The following GLIS3 variants were observed in gnomAD, a reference collection of about 807,000 sequenced individuals.
The protein encoded by GLIS3 is GLIS family zinc finger 3.
In GLIS3, 53 loss-of-function variants were observed where a neutral mutation model predicts 78.6. That is an observed-to-expected ratio of 0.67 (90% CI 0.54 to 0.85). GLIS3 has a LOEUF of 0.85. GLIS3 is among the 40% of genes least tolerant of loss of function. GLIS3 has a pLI of 0.00. For missense variants in GLIS3, 1,703 were observed against 1,231.1 expected (o/e 1.38, Z -5.74); for synonymous variants, 684 against 509.9 (o/e 1.34, Z -4.60).
At chr9:3,993,535 A>C (rs759565845) in intron 4 of GLIS3, among the ~76,000 whole-genome samples, 38 of 152,338 alleles carry the variant, frequency 2.5e-4, no homozygotes, top group South Asian at 8.3e-4. Context: ...TAAGTCCACT[A>C]TCTGAGGAAA....
the GLIS3 span, among the ~76,000 whole-genome samples, chr9:4,474,271 C>G: frequency 6.6e-6 from 1 of 152,088 alleles, no homozygotes; most frequent in Non-Finnish European, 1.5e-5. Flanking sequence ...ATAGAAAGTT[C>G]AAGGTGGGCA....
At chr9:3,970,567 G>A (rs558124095) in intron 4 of GLIS3, among the ~76,000 whole-genome samples, 3 of 152,166 alleles carry the variant, frequency 2.0e-5, no homozygotes, top group African/African-American at 7.2e-5. Flanking sequence ...ACAAGGCCCA[G>A]GATGCTGCTA....
chr9:4,117,741 G>A lies in GLIS3; in HGVS notation c.1710+27C>T, dbSNP rs756558303. ...AAAGCAAGCCGGGCCTTCAAGAGAG[G>A]TCACCCCTTGCGCTTCGGAAACTCA... On this transcript the variant is annotated intron_variant, in intron 4 of 10. Coordinates refer to ENST00000381971, the MANE Select transcript of GLIS3 (RefSeq NM_001042413.2). 9.3e-6 allele frequency: 15 copies of A among 1,613,968 alleles called. No individual in the cohort carries two copies. The South Asian group carries it at 1.5e-4, about 17-fold the overall frequency.
At chr9:4,214,250 G>C (rs1466558869) in intron 2 of GLIS3, among the ~76,000 whole-genome samples, 4 of 152,206 alleles carry the variant, frequency 2.6e-5, no homozygotes, top group African/African-American at 9.7e-5. Flanking sequence ...GCGCATTTTT[G>C]TGGAATGGAG....
chr9:4,206,493 T>C (rs73398475), intron 2 of GLIS3, among the ~76,000 whole-genome samples: 3,353 of 152,344 alleles, frequency 0.022, 130 homozygotes, highest in African/African-American at 0.077. Flanking sequence ...GGCGTAGCTT[T>C]ATGAACTGCT....
At chr9:4,328,828 C>A (rs568152987) in intron 2 of GLIS3, among the ~76,000 whole-genome samples, 1 of 152,248 alleles carries the variant, frequency 6.6e-6, no homozygotes, top group Non-Finnish European at 1.5e-5. Flanking sequence ...TAGATCAGTG[C>A]CCGGCACGTG....
chr9:4,126,031 C>G, intron 2 of GLIS3, 90 bp from the exon 3 acceptor site: 1 of 971,240 alleles, frequency 1.0e-6, no homozygotes, highest in Non-Finnish European at 1.6e-6. Flanking sequence ...CAGGACCCAT[C>G]TTTAGAGACA....
chr9:4,247,333 T>A (rs1414920197), intron 2 of GLIS3, among the ~76,000 whole-genome samples: 1 of 152,182 alleles, frequency 6.6e-6, no homozygotes, highest in African/African-American at 2.4e-5. Flanking sequence ...TAAAGGATAA[T>A]AATCTCATGG....
At chr9:3,885,828 G>A (rs1822038930) in intron 7 of GLIS3, among the ~76,000 whole-genome samples, 1 of 152,198 alleles carries the variant, frequency 6.6e-6, no homozygotes, top group Non-Finnish European at 1.5e-5. Context: ...CATTGTCAGT[G>A]TGGTTATTAA....
rs959140233 is a variant in GLIS3, at chr9:4,239,391, G to A, written c.388+46647C>T. ...GACTTTTTTTTTTTCTCTGCGATGAGGAAGATGAAGTTGTTAGACTACTGT... is the reference window on the plus strand; with the variant it reads ...GACTTTTTTTTTTTCTCTGCGATGAAGAAGATGAAGTTGTTAGACTACTGT... On this transcript the variant is annotated intron_variant, in intron 2 of 10. Transcript: ENST00000381971. Among the ~76,000 whole-genome samples the A allele has an allele frequency of 2.0e-4, 30 of 151,280 alleles. 2 individuals are homozygous for A. The highest frequency in any genetic ancestry group is 1.8e-3 in the Admixed American group (28 of 15,204).
At chr9:4,269,366 C>A (rs1826299766) in intron 2 of GLIS3, among the ~76,000 whole-genome samples, 3 of 152,178 alleles carry the variant, frequency 2.0e-5, no homozygotes, top group Non-Finnish European at 4.4e-5. Context: ...AAACCTATGT[C>A]CACTTTATTT....
chr9:4,392,474 C>T, the GLIS3 span, among the ~76,000 whole-genome samples: 1 of 152,104 alleles, frequency 6.6e-6, no homozygotes, highest in Admixed American at 6.5e-5. Context: ...CTAGGTAGAA[C>T]CTGCCTCCTC....
chr9:3,926,378 C>T (rs1291623282), intron 6 of GLIS3, among the ~76,000 whole-genome samples: 1 of 151,102 alleles, frequency 6.6e-6, no homozygotes, highest in Non-Finnish European at 1.5e-5. Context: ...CTAAAGGCGC[C>T]AGCCACCACG....
intron 4 of GLIS3, among the ~76,000 whole-genome samples, chr9:4,026,502 G>C (rs1179468773): frequency 1.3e-5 from 2 of 152,194 alleles, no homozygotes; most frequent in Non-Finnish European, 2.9e-5. Flanking sequence ...AAAAGCATTT[G>C]AGATGACCCA....
At chr9:4,057,670 G>C (rs1353639180) in intron 4 of GLIS3, among the ~76,000 whole-genome samples, 1 of 151,608 alleles carries the variant, frequency 6.6e-6, no homozygotes. Context: ...AGAAAGAAAG[G>C]TCAGATCGAC....
At chr9:4,339,188 CA>C (rs1817798655) in intron 2 of GLIS3, among the ~76,000 whole-genome samples, 1 of 152,166 alleles carries the variant, frequency 6.6e-6, no homozygotes, top group Non-Finnish European at 1.5e-5. Flanking sequence ...ATTCTGTCCC[CA>C]GGTGTGTAAG....
At chr9:4,465,639 T>A in the GLIS3 span, among the ~76,000 whole-genome samples, 1 of 152,220 alleles carries the variant, frequency 6.6e-6, no homozygotes. Flanking sequence ...AGGGGATGGA[T>A]ACCCCATTCC....
At chr9:4,192,413 T>C (rs1294411362) in intron 2 of GLIS3, among the ~76,000 whole-genome samples, 2 of 152,254 alleles carry the variant, frequency 1.3e-5, no homozygotes, top group African/African-American at 4.8e-5. Context: ...AAGCATAGTT[T>C]AGTTTATAAC....
chr9:3,870,609 G>A (rs530426715), intron 8 of GLIS3, among the ~76,000 whole-genome samples: 56 of 152,282 alleles, frequency 3.7e-4, no homozygotes, highest in African/African-American at 6.5e-4. Context: ...TGAGGAGGAC[G>A]CAAAAGCAGA....
Sources: gnomAD v4.1 joint callset for allele counts (sites outside exome capture counted in the v4.1 genomes callset) on GRCh38, gnomAD v4.1.1 for gene constraint, MANE v1.5 for transcripts, NCBI Gene and HGNC (gene_info 2026-07-23, HGNC 2026-07-21) for gene names.